The following CLIP1 variants were observed in gnomAD, a reference collection of about 807,000 sequenced individuals.
The protein encoded by CLIP1 is CAP-Gly domain containing linker protein 1.
A neutral mutation model predicts 161.6 loss-of-function variants in CLIP1; 66 were observed. That is an observed-to-expected ratio of 0.41 (90% CI 0.33 to 0.50). The LOEUF (loss-of-function observed/expected upper bound fraction) is 0.50. Among genes scored for constraint, CLIP1 ranks in the 20% least tolerant of loss-of-function variants. The pLI is 0.27. For missense variants in CLIP1, 1,376 were observed against 1,702.0 expected (o/e 0.81, Z 3.37); for synonymous variants, 598 against 626.2 (o/e 0.96, Z 0.67).
intron 20 of CLIP1, among the ~76,000 whole-genome samples, chr12:122,300,966 A>C (rs1950657427): frequency 6.6e-6 from 1 of 152,248 alleles, no homozygotes; most frequent in African/African-American, 2.4e-5. Context: ...AAAAATGCAT[A>C]ACCTGAATAT....
chr12:122,308,033 T>C (rs982505810), intron 20 of CLIP1, among the ~76,000 whole-genome samples: 3 of 152,192 alleles, frequency 2.0e-5, no homozygotes, highest in Non-Finnish European at 4.4e-5. Context: ...CATTTTTTAA[T>C]CACAAAACCT....
At chr12:122,320,674 A>G (rs541574701) in intron 17 of CLIP1, among the ~76,000 whole-genome samples, 1 of 151,344 alleles carries the variant, frequency 6.6e-6, no homozygotes, top group East Asian at 2.0e-4. Context: ...CAGTGAGCCA[A>G]GGTCACACCA....
chr12:122,336,769 G>A (rs1469953465), intron 11 of CLIP1, 21 bp from the exon 12 acceptor site: 2 of 1,043,168 alleles, frequency 1.9e-6, no homozygotes, highest in African/African-American at 3.3e-5. Context: ...GTGTTACATG[G>A]TATAGAAGCA....
At chr12:122,411,863 GA>G (rs1175076815) in intron 1 of CLIP1, among the ~76,000 whole-genome samples, 2 of 151,162 alleles carry the variant, frequency 1.3e-5, no homozygotes, top group Non-Finnish European at 3.0e-5. Context: ...GGGAGAAAAG[GA>G]AAAAAAATGA....
chr12:122,374,322 A>C, intron 3 of CLIP1, among the ~76,000 whole-genome samples: 2 of 150,660 alleles, frequency 1.3e-5, no homozygotes, highest in East Asian at 2.0e-4. Context: ...ATACAAAAAA[A>C]AAAAAAAAAA....
Position 122,278,016 on chromosome 12 carries a change from G to T in CLIP1, c.3966+138C>A, listed in dbSNP as rs1464604584. The T allele has an allele frequency of 1.6e-5, 12 of 750,018 alleles. No individual in the cohort carries two copies. The East Asian group carries it at 2.9e-4, about 18-fold the overall frequency. The allele number at this position is 750,018 out of a possible 1,614,324, so 46.5% of individuals were successfully genotyped here. ...GTATATATTTTTAATTCTGTTTAAT[G>T]TTTGGACTAGAGGAATGCATTACCA... On this transcript the variant is annotated intron_variant, in intron 24 of 25. Coordinates refer to ENST00000620786, the MANE Select transcript of CLIP1 (RefSeq NM_001247997.2).
chr12:122,364,546 G>A (rs1193865893), intron 3 of CLIP1, among the ~76,000 whole-genome samples: 1 of 151,916 alleles, frequency 6.6e-6, no homozygotes, highest in East Asian at 1.9e-4. Flanking sequence ...GAAACTACAG[G>A]TGCACACCAC....
intron 23 of CLIP1, 103 bp downstream of exon 23, chr12:122,278,689 G>A (rs946793348): frequency 8.1e-6 from 10 of 1,241,330 alleles, no homozygotes; most frequent in African/African-American, 1.5e-5. Flanking sequence ...GAGAGTCAGG[G>A]TCAGGGCAGC....
chr12:122,333,199 A>T (rs1952067510), intron 14 of CLIP1, 56 bp from the exon 15 acceptor site: 1 of 1,304,076 alleles, frequency 7.7e-7, no homozygotes, highest in African/African-American at 1.5e-5. Flanking sequence ...ACAAAAACTG[A>T]CTGAGTGTAT....
intron 1 of CLIP1, among the ~76,000 whole-genome samples, chr12:122,419,906 C>A (rs769986178): frequency 4.3e-4 from 49 of 113,718 alleles, no homozygotes; most frequent in Non-Finnish European, 2.2e-4. Flanking sequence ...GGCAACAGAG[C>A]GAGATGCGAG....
At chr12:122,353,965 A>G (rs568592484) in intron 7 of CLIP1, among the ~76,000 whole-genome samples, 1 of 152,074 alleles carries the variant, frequency 6.6e-6, no homozygotes, top group African/African-American at 2.4e-5. Flanking sequence ...CTTATTGAAA[A>G]AAGTCAAATC....
chr12:122,337,466 G>T (rs1468099045), intron 11 of CLIP1, among the ~76,000 whole-genome samples: 1 of 146,570 alleles, frequency 6.8e-6, no homozygotes, highest in Non-Finnish European at 1.5e-5. Context: ...AAAAAAGAAA[G>T]AAAAGAGAGA....
rs141224286 is a variant in CLIP1, at chr12:122,352,759, A to G, written c.1335T>C (p.Val445=). 1 of 1,614,098 alleles carries G rather than the reference A, an allele frequency of 6.2e-7. No homozygotes were observed. Among genetic ancestry groups the G allele is most frequent in the Non-Finnish European group, 8.5e-7 (1 of 1,179,986 alleles). Residue 445 remains valine, a synonymous_variant, in exon 8 of 26, where the codon GTT becomes GTC. Transcript: ENST00000620786. ...KRKVEDLQFR[V]EEESITKGDL... is the part of the protein sequence containing the mutation. The stretch of plus-strand genomic sequence containing the variant: ...CACCTTTGGTAATTGATTCTTCTTC[A>G]ACCCGGAACTGAAGGTCCTCAACCT...
chr12:122,367,456 G>A (rs1954225340), intron 3 of CLIP1, among the ~76,000 whole-genome samples: 1 of 152,186 alleles, frequency 6.6e-6, no homozygotes, highest in Non-Finnish European at 1.5e-5. Flanking sequence ...GTCAGGTGAA[G>A]TCCTAAAATC....
intron 1 of CLIP1, among the ~76,000 whole-genome samples, chr12:122,420,842 C>G (rs1163755797): frequency 1.3e-5 from 2 of 151,438 alleles, no homozygotes; most frequent in Non-Finnish European, 2.9e-5. Flanking sequence ...GGCTGAGGCA[C>G]GAGAATCGCT....
At chr12:122,329,834 G>A (rs1286859902) in intron 15 of CLIP1, among the ~76,000 whole-genome samples, 1 of 151,824 alleles carries the variant, frequency 6.6e-6, no homozygotes. Flanking sequence ...TAAAACATGG[G>A]GGGCCGGGTG....
chr12:122,286,704 A>T (rs1385426057), intron 21 of CLIP1, among the ~76,000 whole-genome samples: 3 of 151,740 alleles, frequency 2.0e-5, no homozygotes, highest in African/African-American at 7.3e-5. Flanking sequence ...TCACTATAAA[A>T]AAAAATTTTT....
At chr12:122,398,718 T>G (rs1023293385) in intron 1 of CLIP1, among the ~76,000 whole-genome samples, 9 of 151,664 alleles carry the variant, frequency 5.9e-5, no homozygotes, top group Non-Finnish European at 1.3e-4. Context: ...AAAAAAATTT[T>G]TTTTAATTAG....
At chr12:122,294,778 A>T (rs1392784622) in intron 20 of CLIP1, among the ~76,000 whole-genome samples, 1 of 151,824 alleles carries the variant, frequency 6.6e-6, no homozygotes, top group Non-Finnish European at 1.5e-5. Context: ...GGCCGGGTGC[A>T]GTGCCTCACG....
Sources: allele counts gnomAD v4.1 joint callset (sites outside exome capture counted in the v4.1 genomes callset), GRCh38; gene constraint gnomAD v4.1.1; transcripts MANE v1.5; gene names NCBI Gene and HGNC (gene_info 2026-07-23, HGNC 2026-07-21).